The following EPB41L4A variants were observed in gnomAD, a reference collection of about 807,000 sequenced individuals.
EPB41L4A encodes band 4.1-like protein 4A.
A neutral mutation model predicts 108.6 loss-of-function variants in EPB41L4A; 100 were observed. The ratio of observed to expected loss-of-function variants is 0.92; its 90% confidence interval spans 0.78 to 1.09. The LOEUF (loss-of-function observed/expected upper bound fraction) is 1.09, where lower values mean the gene tolerates loss of function less well. Among genes scored for constraint, EPB41L4A ranks in the 50% least tolerant of loss-of-function variants. EPB41L4A has a pLI of 0.00. For missense variants in EPB41L4A, 1,030 were observed against 842.7 expected, an observed-to-expected ratio of 1.22 and a Z score of -2.75; for synonymous variants, 319 against 289.0, an observed-to-expected ratio of 1.10 and a Z score of -1.05.
chr5:112,343,267 G>A (rs987175885), intron 1 of EPB41L4A, among the ~76,000 whole-genome samples: 1 of 152,160 alleles, frequency 6.6e-6, no homozygotes, highest in Non-Finnish European at 1.5e-5. Context: ...GAGTTTCTCA[G>A]TCCTTCTGCT....
rs201350552 is a variant in EPB41L4A at position 112,344,153 on chromosome 5, T to TA, written c.100-36664dup. On this transcript the variant is annotated intron_variant, in intron 1 of 22. Transcript: ENST00000261486. ...AATAGGATTATGGTTTTTTAAAAAA[T>TA]AAAAAAAAGGCTAATCTAAGTTCAA... 9.2e-3 allele frequency among the ~76,000 whole-genome samples: 1,397 copies of TA among 151,760 alleles called. 22 individuals carry two copies. Among genetic ancestry groups the TA allele is most frequent in the African/African-American group, 0.032 (1,306 of 41,408 alleles).
At chr5:112,313,068 ACT>A (rs1375292191) in intron 1 of EPB41L4A, among the ~76,000 whole-genome samples, 2 of 152,204 alleles carry the variant, frequency 1.3e-5, no homozygotes, top group East Asian at 3.8e-4. Flanking sequence ...GCAAATGCTT[ACT>A]CTCTAGAAAA....
At chr5:112,203,405 A>G (rs547057187) in intron 15 of EPB41L4A, among the ~76,000 whole-genome samples, 22 of 152,256 alleles carry the variant, frequency 1.4e-4, no homozygotes, top group Admixed American at 1.1e-3. Context: ...AAAGTCATTT[A>G]TACAATGCCA....
chr5:112,220,181 T>C (rs1453970535), intron 12 of EPB41L4A, among the ~76,000 whole-genome samples: 1 of 152,246 alleles, frequency 6.6e-6, no homozygotes, highest in Non-Finnish European at 1.5e-5. Context: ...GTATATGTAA[T>C]GTATTCTGTT....
chr5:112,259,358 G>C, intron 8 of EPB41L4A, 66 bp from the exon 9 acceptor site: 2 of 1,344,882 alleles, frequency 1.5e-6, no homozygotes, highest in African/African-American at 1.4e-5. Flanking sequence ...AATCAGGGAA[G>C]TATCCAGTGG....
chr5:112,402,435 A>G (rs1385241339), intron 1 of EPB41L4A, among the ~76,000 whole-genome samples: 1 of 152,038 alleles, frequency 6.6e-6, no homozygotes, highest in Non-Finnish European at 1.5e-5. Context: ...TGTGCTGAAA[A>G]CCACAGCAGC....
At chr5:112,379,754 A>G (rs1344612973) in intron 1 of EPB41L4A, among the ~76,000 whole-genome samples, 3 of 152,220 alleles carry the variant, frequency 2.0e-5, no homozygotes, top group Non-Finnish European at 4.4e-5. Context: ...GGCTTACCCG[A>G]AGGCACAATA....
At chr5:112,230,948 A>G (rs1748872925) in intron 12 of EPB41L4A, among the ~76,000 whole-genome samples, 1 of 152,230 alleles carries the variant, frequency 6.6e-6, no homozygotes, top group Admixed American at 6.5e-5. Context: ...GATAAAAGCA[A>G]TTCAAAAATC....
At chr5:112,376,148 G>C (rs960598097) in intron 1 of EPB41L4A, among the ~76,000 whole-genome samples, 1 of 152,132 alleles carries the variant, frequency 6.6e-6, no homozygotes, top group Non-Finnish European at 1.5e-5. Context: ...CTAACATCTA[G>C]AATATGTAAA....
At chr5:112,385,764 C>T (rs893029721) in intron 1 of EPB41L4A, among the ~76,000 whole-genome samples, 1 of 152,066 alleles carries the variant, frequency 6.6e-6, no homozygotes, top group African/African-American at 2.4e-5. Flanking sequence ...TATTTTTTTA[C>T]ATGCGTATTT....
Position 112,163,647 on chromosome 5 carries a change from A to G in EPB41L4A, c.*1343T>C, listed in dbSNP as rs995988799. 6.6e-6 allele frequency: 1 copy of G among 152,220 alleles called. No individual in the cohort carries two copies. The highest frequency in any genetic ancestry group is 1.5e-5 in the Non-Finnish European group (1 of 68,044). The allele number at this position is 152,220 out of a possible 1,614,324, so 9.4% of individuals were successfully genotyped here. On this transcript the variant is annotated 3_prime_UTR_variant, in exon 23 of 23. Coordinates refer to ENST00000261486, the MANE Select transcript of EPB41L4A (RefSeq NM_022140.5). ...AGAGGGAAAGATCCATGTTAGAGAT[A>G]GCTTAAGATAGGGATTAGATGAATT...
intron 1 of EPB41L4A, among the ~76,000 whole-genome samples, chr5:112,351,535 C>G (rs953927344): frequency 7.9e-5 from 12 of 152,102 alleles, no homozygotes; most frequent in African/African-American, 2.7e-4. Context: ...TTCTAATAAG[C>G]TTATGAAGAA....
intron 1 of EPB41L4A, among the ~76,000 whole-genome samples, chr5:112,332,876 G>A (rs142156316): frequency 2.2e-4 from 33 of 152,202 alleles, no homozygotes; most frequent in African/African-American, 7.2e-4. Flanking sequence ...GCTTTCTTCC[G>A]TTACTGTTTT....
At chr5:112,141,842 T>C (rs936719097), downstream of EPB41L4A, among the ~76,000 whole-genome samples, 11 of 152,190 alleles carry the variant, frequency 7.2e-5, no homozygotes, top group African/African-American at 2.4e-4. Context: ...TGTACCCTCC[T>C]GATCTTGCTT....
At chr5:112,259,200 T>C (rs1230936856) in intron 9 of EPB41L4A, 29 bp downstream of exon 9, 2 of 1,565,598 alleles carry the variant, frequency 1.3e-6, no homozygotes, top group Non-Finnish European at 1.8e-6. Flanking sequence ...ACCCCTCTTC[T>C]AATTTAAGCT....
chr5:112,322,274 T>C (rs572977016), intron 1 of EPB41L4A, among the ~76,000 whole-genome samples: 5 of 152,186 alleles, frequency 3.3e-5, no homozygotes, highest in Non-Finnish European at 7.3e-5. Context: ...TTGGAAACCA[T>C]AGGCTAACTT....
Position 112,264,945 on chromosome 5 carries a change from G to C in EPB41L4A, c.505C>G (p.Gln169Glu). The C allele has an allele frequency of 4.3e-6, 7 of 1,611,936 alleles. No homozygotes were observed. The highest frequency in any genetic ancestry group is 5.9e-6 in the Non-Finnish European group (7 of 1,178,966). ...ATGGCTTCTTCAAGTTCTTCCTTCT[G>C]ATCAGGAACAAACCGGTACTCAGAT... ...YVSEYRFVPD[Q>E]KEELEEAIER... Residue 169 changes from glutamine to glutamate, a missense_variant, in exon 6 of 23, where the codon CAG (glutamine) becomes GAG (glutamate). Coordinates refer to ENST00000261486, the MANE Select transcript of EPB41L4A (RefSeq NM_022140.5).
intron 11 of EPB41L4A, among the ~76,000 whole-genome samples, chr5:112,238,849 G>C (rs922309472): frequency 6.6e-6 from 1 of 152,148 alleles, no homozygotes; most frequent in Non-Finnish European, 1.5e-5. Context: ...AGAATGAATT[G>C]AAACAAGACA....
chr5:112,152,204 A>G (rs970885351), intron 12 of EPB41L4A, among the ~76,000 whole-genome samples: 2 of 152,204 alleles, frequency 1.3e-5, no homozygotes, highest in Non-Finnish European at 2.9e-5. Context: ...AGAGAAAAAA[A>G]AACATAGAAG....
Sources: allele counts gnomAD v4.1 joint callset (sites outside exome capture counted in the v4.1 genomes callset), GRCh38; gene constraint gnomAD v4.1.1; transcripts MANE v1.5; gene names NCBI Gene and HGNC (gene_info 2026-07-23, HGNC 2026-07-21).